The following RTCB variants were observed in gnomAD, a reference collection of about 807,000 sequenced individuals.
RTCB encodes the protein RNA 2',3'-cyclic phosphate and 5'-OH ligase, also known as RNA-splicing ligase RTCB.
RTCB carries 32 observed loss-of-function variants against 58.2 expected under a neutral mutation model. The observed-to-expected ratio is 0.55, with a 90% confidence interval of 0.41 to 0.74. The LOEUF (loss-of-function observed/expected upper bound fraction) is 0.74. RTCB is among the 30% of genes least tolerant of loss of function. RTCB has a pLI of 0.00. For missense variants in RTCB, 523 were observed against 639.0 expected (o/e 0.82, Z 1.96); for synonymous variants, 247 against 218.6 (o/e 1.13, Z -1.15).
intron 4 of RTCB, among the ~76,000 whole-genome samples, chr22:32,405,654 G>A (rs374349133): frequency 8.5e-5 from 13 of 152,100 alleles, no homozygotes; most frequent in Admixed American, 2.6e-4. Flanking sequence ...TCTTGACTTC[G>A]CAAATTCTTA....
chr22:32,396,199 T>G lies in RTCB; in HGVS notation c.865A>C (p.Asn289His). 1 of 1,614,198 alleles carries G rather than the reference T, an allele frequency of 6.2e-7. No homozygotes were observed. The highest frequency in any genetic ancestry group is 8.5e-7 in the Non-Finnish European group (1 of 1,180,040). ...CGAGCACAAGCCAACTGCCGATCATTGACTATAATCTTGTCTCTCTTCATG... is the reference window on the plus strand; with the variant it reads ...CGAGCACAAGCCAACTGCCGATCATGGACTATAATCTTGTCTCTCTTCATG... ...KAMKRDKIIV[N>H]DRQLACARIA... Residue 289 changes from asparagine to histidine, a missense_variant, in exon 8 of 12, where the codon AAT becomes CAT. Physicochemically the swap from Asn to His is moderately conservative, Grantham distance 68. Coordinates refer to ENST00000216038, the MANE Select transcript of RTCB (RefSeq NM_014306.5).
intron 11 of RTCB, 75 bp downstream of exon 11, chr22:32,392,165 G>A: frequency 6.9e-7 from 1 of 1,450,274 alleles, no homozygotes; most frequent in Non-Finnish European, 9.2e-7. Context: ...ACCCTAAATT[G>A]CTGTCTCTGT....
chr22:32,397,789 C>A (rs1368782629), intron 7 of RTCB, 152 bp downstream of exon 7: 1 of 612,944 alleles, frequency 1.6e-6, no homozygotes, highest in Non-Finnish European at 2.6e-6. Context: ...TTTTTTTAGA[C>A]AAGAAAGTTA....
In RTCB at chr22:32,406,659, T is replaced by C. The variant is rs1400158323; in HGVS notation, c.340+3A>G. 5 of 1,601,686 alleles carry C rather than the reference T, an allele frequency of 3.1e-6. No individual in the cohort carries two copies. The highest frequency in any genetic ancestry group is 3.3e-5 in the Admixed American group (2 of 59,934). ...TAACAGCAGATGTCCACAGTGATCTTACCTGGGGATACTACTGCTTCAGGG... is the reference window on the plus strand; with the variant it reads ...TAACAGCAGATGTCCACAGTGATCTCACCTGGGGATACTACTGCTTCAGGG... On this transcript the variant is annotated splice_donor_region_variant and intron_variant, in intron 4 of 11. Transcript: ENST00000216038.
chr22:32,402,053 A>G (rs1003590814), intron 4 of RTCB, 150 bp from the exon 5 acceptor site: 1 of 853,114 alleles, frequency 1.2e-6, no homozygotes, highest in South Asian at 1.8e-5. Context: ...TGCTGAGTAA[A>G]GCTTGATGAC....
chr22:32,397,881 C>T (rs1933272078), intron 7 of RTCB, 60 bp downstream of exon 7: 1 of 1,531,738 alleles, frequency 6.5e-7, no homozygotes, highest in Admixed American at 2.2e-5. Flanking sequence ...AGTTTTCGCT[C>T]TTAAATTTCT....
intron 1 of RTCB, among the ~76,000 whole-genome samples, chr22:32,409,757 T>C (rs552800998): frequency 8.3e-4 from 126 of 152,112 alleles, no homozygotes; most frequent in Non-Finnish European, 3.2e-4. Context: ...CTAGGGGAGA[T>C]AGAAAGAATA....
At chr22:32,395,313 G>A in intron 8 of RTCB, 99 bp from the exon 9 acceptor site, 1 of 997,786 alleles carries the variant, frequency 1.0e-6, no homozygotes, top group South Asian at 1.8e-5. Context: ...CTGTTCTGAA[G>A]GGAGTAAAAG....
intron 11 of RTCB, among the ~76,000 whole-genome samples, chr22:32,392,008 TG>T (rs1933160891): frequency 6.6e-6 from 1 of 152,066 alleles, no homozygotes; most frequent in Non-Finnish European, 1.5e-5. Context: ...AGACTATAAA[TG>T]AACAGTAAAA....
chr22:32,408,737 A>C lies in RTCB; in HGVS notation c.172+18T>G. 1 of 1,588,284 alleles carries C rather than the reference A, an allele frequency of 6.3e-7. No homozygotes were observed. The highest frequency in any genetic ancestry group is 2.2e-5 in the East Asian group (1 of 44,768). On this transcript the variant is annotated intron_variant, in intron 2 of 11. Coordinates refer to ENST00000216038, the MANE Select transcript of RTCB (RefSeq NM_014306.5). ...AGGCACTACCGTACTAACACAAGTGAAACTCTAATGTACTTACCACCACCT... is the reference window on the plus strand; with the variant it reads ...AGGCACTACCGTACTAACACAAGTGCAACTCTAATGTACTTACCACCACCT...
Position 32,410,896 on chromosome 22 carries a change from C to T in RTCB, c.93+1168G>A, listed in dbSNP as rs541648438. Reference sequence around the variant, plus strand: ...GCTAATTAAATTTTTTTTGTAGAGACAGGGTCCCACTATATTGCCCAGGCA... The same window carrying T: ...GCTAATTAAATTTTTTTTGTAGAGATAGGGTCCCACTATATTGCCCAGGCA... On this transcript the variant is annotated intron_variant, in intron 1 of 11. Coordinates refer to ENST00000216038, the MANE Select transcript of RTCB (RefSeq NM_014306.5). Among the ~76,000 whole-genome samples the T allele has an allele frequency of 3.9e-5, 6 of 152,134 alleles. No homozygotes were observed. In the South Asian group the frequency reaches 1.0e-3, roughly 26 times the overall value.
chr22:32,401,096 T>G (rs1933328481), intron 5 of RTCB, among the ~76,000 whole-genome samples: 1 of 151,338 alleles, frequency 6.6e-6, no homozygotes, highest in Non-Finnish European at 1.5e-5. Flanking sequence ...CTAAGTTTTT[T>G]TTTTTTTTTT....
intron 5 of RTCB, 55 bp from the exon 6 acceptor site, chr22:32,399,814 A>C (rs1933306013): frequency 6.6e-7 from 1 of 1,504,692 alleles, no homozygotes; most frequent in Non-Finnish European, 9.0e-7. Flanking sequence ...ATCAAAACCT[A>C]AGGATGACCA....
chr22:32,393,740 G>A (rs1933194507), intron 10 of RTCB, 152 bp downstream of exon 10: 1 of 610,390 alleles, frequency 1.6e-6, no homozygotes, highest in Non-Finnish European at 2.9e-6. Context: ...TCACTAAATA[G>A]TATACATTAT....
Position 32,409,006 on chromosome 22 carries a change from G to A in RTCB, c.94-173C>T, listed in dbSNP as rs1431689885. ...TCAAAGACTACGAGCTGCTCCCATC[G>A]GAAAATATACCTTAAGAAAAATTCT... On this transcript the variant is annotated intron_variant, in intron 1 of 11. Coordinates refer to ENST00000216038, the MANE Select transcript of RTCB (RefSeq NM_014306.5). 2.6e-5 allele frequency among the ~76,000 whole-genome samples: 4 copies of A among 152,134 alleles called. No homozygotes were observed. In the East Asian group the frequency reaches 5.8e-4, roughly 22 times the overall value.
At chr22:32,389,076 T>C (rs552326658) in intron 11 of RTCB, among the ~76,000 whole-genome samples, 21 of 152,176 alleles carry the variant, frequency 1.4e-4, no homozygotes, top group Non-Finnish European at 1.9e-4. Context: ...TCTCCCGTTC[T>C]CCCTAGGCAC....
chr22:32,389,444 T>G (rs73400882), intron 11 of RTCB, among the ~76,000 whole-genome samples: 1 of 152,330 alleles, frequency 6.6e-6, no homozygotes, highest in African/African-American at 2.4e-5. Context: ...CAATCATAGC[T>G]CACTGAGACT....
chr22:32,406,537 G>A (rs1482249956), intron 4 of RTCB, 125 bp downstream of exon 4: 7 of 574,150 alleles, frequency 1.2e-5, no homozygotes, highest in Admixed American at 2.6e-5. Context: ...TGGCCAAGAT[G>A]GTTTTGATCT....
At chr22:32,392,390 A>G in intron 10 of RTCB, 31 bp from the exon 11 acceptor site, 1 of 1,613,142 alleles carries the variant, frequency 6.2e-7, no homozygotes, top group Non-Finnish European at 8.5e-7. Context: ...ACTTTACTTT[A>G]AACCCTAAGA....
Sources: gnomAD v4.1 joint callset for allele counts (sites outside exome capture counted in the v4.1 genomes callset) on GRCh38, gnomAD v4.1.1 for gene constraint, MANE v1.5 for transcripts, NCBI Gene and HGNC (gene_info 2026-07-23, HGNC 2026-07-21) for gene names.